NME7: variants seen among roughly 807,000 people sequenced by gnomAD.
NME7 encodes the protein NME/NM23 family member 7.
NME7 carries 41 observed loss-of-function variants against 49.1 expected under a neutral mutation model. The ratio of observed to expected loss-of-function variants is 0.83; its 90% CI spans 0.65 to 1.08. NME7 has a LOEUF of 1.08. Ranked by LOEUF, NME7 falls within the 50% of genes least tolerant of loss-of-function variation. NME7 has a pLI of 0.00. For missense variants in NME7, 423 were observed against 463.4 expected (o/e 0.91, Z 0.80); for synonymous variants, 139 against 150.6 (o/e 0.92, Z 0.56).
intron 7 of NME7, among the ~76,000 whole-genome samples, chr1:169,251,558 T>TTTTC (rs1230535491): frequency 7.8e-6 from 1 of 127,730 alleles, no homozygotes; most frequent in Non-Finnish European, 1.8e-5. Context: ...TTTTTTTTTT[T>TTTTC]TTCTTTTTTT....
chr1:169,240,174 T>G (rs1648021195), intron 7 of NME7, among the ~76,000 whole-genome samples: 1 of 151,864 alleles, frequency 6.6e-6, no homozygotes, highest in African/African-American at 2.4e-5. Flanking sequence ...TTTAAAATAT[T>G]TAAATATAAC....
chr1:169,228,149 T>A (rs916020127), intron 10 of NME7, among the ~76,000 whole-genome samples: 1 of 152,088 alleles, frequency 6.6e-6, no homozygotes, highest in South Asian at 2.1e-4. Flanking sequence ...CCTCAAGCAA[T>A]CTTCCTGCCT....
At chr1:169,150,996 G>A (rs1363965843) in intron 11 of NME7, among the ~76,000 whole-genome samples, 1 of 152,174 alleles carries the variant, frequency 6.6e-6, no homozygotes, top group African/African-American at 2.4e-5. Context: ...TACTTTTGAT[G>A]TTTTTCAACC....
At chr1:169,157,664 G>C (rs752361866) in intron 11 of NME7, among the ~76,000 whole-genome samples, 1 of 152,194 alleles carries the variant, frequency 6.6e-6, no homozygotes, top group Non-Finnish European at 1.5e-5. Context: ...TCCGTTGGAA[G>C]TGTAACAACC....
At chr1:169,132,890 G>A (rs1658280103) in intron 11 of NME7, 73 bp from the exon 12 acceptor site, 1 of 1,279,394 alleles carries the variant, frequency 7.8e-7, no homozygotes, top group Non-Finnish European at 1.1e-6. Context: ...AGTCCAAGAG[G>A]TTGGTCAGGA....
intron 11 of NME7, among the ~76,000 whole-genome samples, chr1:169,143,939 C>A (rs912802930): frequency 1.3e-5 from 2 of 152,092 alleles, no homozygotes; most frequent in Non-Finnish European, 2.9e-5. Context: ...ATTTCCCCCC[C>A]AGAATGAATA....
intron 6 of NME7, among the ~76,000 whole-genome samples, chr1:169,293,115 C>G (rs1028681419): frequency 2.6e-5 from 4 of 151,174 alleles, no homozygotes; most frequent in Non-Finnish European, 4.4e-5. Flanking sequence ...GGCAATATCA[C>G]AAGACCCTGT....
Position 169,266,628 on chromosome 1 carries a change from G to A in NME7, c.754+20675C>T, listed in dbSNP as rs553764735. On this transcript the variant is annotated intron_variant, in intron 7 of 11. Coordinates refer to ENST00000367811, the MANE Select transcript of NME7 (RefSeq NM_013330.5). ...AATCAGGCAAGAGAAAGATATAAAA[G>A]GCATCCAAATAGAGAGAAAGGAAGT... 4.5e-5 allele frequency among the ~76,000 whole-genome samples: 6 copies of A among 133,368 alleles called. 1 individual carries two copies. The highest frequency in any genetic ancestry group is 1.3e-4 in the African/African-American group (5 of 39,528). 87.5% of individuals were successfully genotyped at this position (133,368 alleles called of 152,430 possible). A position where few individuals can be genotyped will look rare whatever the true frequency, so the allele number is the denominator to read the frequency against.
At chr1:169,334,725 TTAAAC>T (rs1412670093) in intron 1 of NME7, among the ~76,000 whole-genome samples, 1 of 152,052 alleles carries the variant, frequency 6.6e-6, no homozygotes, top group East Asian at 1.9e-4. Flanking sequence ...ATCTAATTAA[TTAAAC>T]TAAAGAGCTT....
intron 1 of NME7, 93 bp downstream of exon 1, chr1:169,367,615 C>T (rs1653929121): frequency 7.0e-7 from 1 of 1,437,760 alleles, no homozygotes; most frequent in Non-Finnish European, 9.8e-7. Flanking sequence ...GTCGGGAGGA[C>T]CGGACAACTT....
At chr1:169,308,183 G>A (rs1370048720) in intron 4 of NME7, among the ~76,000 whole-genome samples, 2 of 152,072 alleles carry the variant, frequency 1.3e-5, no homozygotes, top group African/African-American at 2.4e-5. Flanking sequence ...TAAACTAGGA[G>A]ATCATACATA....
chr1:169,296,664 C>T (rs1002666878), intron 6 of NME7, among the ~76,000 whole-genome samples: 4 of 152,090 alleles, frequency 2.6e-5, no homozygotes, highest in East Asian at 1.9e-4. Flanking sequence ...ATGTCCAAAA[C>T]GTTAACTCCT....
intron 4 of NME7, among the ~76,000 whole-genome samples, chr1:169,305,414 T>A (rs1428962554): frequency 6.6e-6 from 1 of 152,236 alleles, no homozygotes; most frequent in Non-Finnish European, 1.5e-5. Context: ...ACTCAGCAGC[T>A]ATCTTCTGGA....
chr1:169,171,466 A>G (rs1659586907), intron 10 of NME7, among the ~76,000 whole-genome samples: 1 of 152,168 alleles, frequency 6.6e-6, no homozygotes, highest in South Asian at 2.1e-4. Flanking sequence ...AAATCTGAAG[A>G]GGTTCATGTG....
chr1:169,305,169 C>T (rs1046295458), intron 4 of NME7, among the ~76,000 whole-genome samples: 1 of 152,104 alleles, frequency 6.6e-6, no homozygotes, highest in Non-Finnish European at 1.5e-5. Flanking sequence ...AAATTTTTTC[C>T]CATCATTCTT....
intron 7 of NME7, among the ~76,000 whole-genome samples, chr1:169,270,707 TG>T (rs1649463422): frequency 1.5e-5 from 2 of 133,658 alleles, no homozygotes; most frequent in Admixed American, 1.5e-4. Context: ...AACTACGTGC[TG>T]GGAACTGTCT....
At chr1:169,151,047 C>A (rs1187189223) in intron 11 of NME7, among the ~76,000 whole-genome samples, 1 of 152,186 alleles carries the variant, frequency 6.6e-6, no homozygotes, top group Non-Finnish European at 1.5e-5. Context: ...ATGGGCCGCA[C>A]AAAAACAGGC....
In NME7 at chr1:169,170,245, T is replaced by C. The variant is rs576443919; in HGVS notation, c.991-691A>G. On this transcript the variant is annotated intron_variant, in intron 10 of 11. Transcript: ENST00000367811. ...AATGATCAGTTTTAAGGCATAACCA[T>C]GGATAAGGTTAGTCTGAGGGCAAGA... Among the ~76,000 whole-genome samples, 38 of 152,162 alleles carry C rather than the reference T, an allele frequency of 2.5e-4. 1 individual carries two copies. The highest frequency in any genetic ancestry group is 9.2e-4 in the African/African-American group (38 of 41,504).
intron 10 of NME7, among the ~76,000 whole-genome samples, chr1:169,171,633 C>T (rs140521138): frequency 0.015 from 2,215 of 151,946 alleles, 50 homozygotes; most frequent in African/African-American, 0.048. Flanking sequence ...CATGGTGGCA[C>T]GCACCTGTAG....
Sources: allele counts gnomAD v4.1 joint callset (sites outside exome capture counted in the v4.1 genomes callset), GRCh38; gene constraint gnomAD v4.1.1; transcripts MANE v1.5; gene names NCBI Gene and HGNC (gene_info 2026-07-23, HGNC 2026-07-21).